Variants in PLCB1 observed in about 807,000 individuals in gnomAD.
The protein encoded by PLCB1 is phospholipase C beta 1.
In PLCB1, 46 loss-of-function variants were observed where a neutral mutation model predicts 161.8. The ratio of observed to expected loss-of-function variants is 0.28; its 90% CI spans 0.22 to 0.36. The LOEUF is 0.36. Among genes scored for constraint, PLCB1 ranks in the 10% least tolerant of loss-of-function variants. The pLI, the probability that PLCB1 is intolerant of heterozygous loss-of-function variation, is 1.00. For synonymous variants in PLCB1, 517 were observed against 503.7 expected (o/e 1.03, Z -0.35); for missense variants, 1,016 against 1,472.5 (o/e 0.69, Z 5.07).
intron 3 of PLCB1, among the ~76,000 whole-genome samples, chr20:8,551,499 C>G (rs556710054): frequency 6.6e-6 from 1 of 152,120 alleles, no homozygotes; most frequent in Non-Finnish European, 1.5e-5. Flanking sequence ...TGACCTTTAC[C>G]GTCCTGTGCG....
At chr20:8,392,218 C>T (rs1484075932) in intron 3 of PLCB1, among the ~76,000 whole-genome samples, 1 of 152,070 alleles carries the variant, frequency 6.6e-6, no homozygotes, top group African/African-American at 2.4e-5. Flanking sequence ...AGAGATTTCA[C>T]TCAAGGTTCA....
At chr20:8,722,243 C>A in intron 14 of PLCB1, 111 bp from the exon 15 acceptor site, 3 of 743,022 alleles carry the variant, frequency 4.0e-6, no homozygotes, top group Non-Finnish European at 4.4e-6. Context: ...TTTTAAACAG[C>A]CCAACTTCCA....
intron 2 of PLCB1, among the ~76,000 whole-genome samples, chr20:8,197,505 G>A (rs2052038275): frequency 6.6e-6 from 1 of 151,946 alleles, no homozygotes; most frequent in Non-Finnish European, 1.5e-5. Flanking sequence ...TTGTTGATGG[G>A]GTTGTTTTTT....
chr20:8,279,166 AG>A (rs1034924155), intron 2 of PLCB1, among the ~76,000 whole-genome samples: 21 of 152,282 alleles, frequency 1.4e-4, no homozygotes, highest in African/African-American at 4.6e-4. Context: ...TATTTGCAAA[AG>A]AATTGAAAGC....
At position 8,274,623 on chromosome 20, in the gene PLCB1, T is replaced by G. The variant is rs142759457; in HGVS notation, c.178-96759T>G. ...GCCAGGGCTTTGCATTCTTAAATTA[T>G]TCATCTTGCTTCTTCTCTAAATTGT... On this transcript the variant is annotated intron_variant, in intron 2 of 31. Transcript: ENST00000338037. 7.4e-4 allele frequency among the ~76,000 whole-genome samples: 112 copies of G among 152,312 alleles called. 3 individuals are homozygous for G. The East Asian group carries it at 0.016, about 22-fold the overall frequency.
In PLCB1 at chr20:8,417,085, T is replaced by A. The variant is rs1483837316; in HGVS notation, c.246+45635T>A. ...TATATATATATATATTTTTTTTTTT[T>A]TTTTTTTTTTTTTTTTTTTGAGATG... On this transcript the variant is annotated intron_variant, in intron 3 of 31. Coordinates refer to ENST00000338037, the MANE Select transcript of PLCB1 (RefSeq NM_015192.4). 9.3e-4 allele frequency among the ~76,000 whole-genome samples: 95 copies of A among 102,116 alleles called. 1 individual carries two copies. The highest frequency in any genetic ancestry group is 2.9e-3 in the African/African-American group (77 of 26,138). The allele number at this position is 102,116 out of a possible 152,430, so 67.0% of individuals were successfully genotyped here. A position where few individuals can be genotyped will look rare whatever the true frequency, so the allele number is the denominator to read the frequency against.
At chr20:8,300,545 T>A (rs1275563717) in intron 2 of PLCB1, among the ~76,000 whole-genome samples, 3 of 152,112 alleles carry the variant, frequency 2.0e-5, no homozygotes, top group African/African-American at 4.8e-5. Flanking sequence ...GTGGTTTTTT[T>A]TTATTATTAT....
At chr20:8,367,259 C>T (rs1454152495) in intron 2 of PLCB1, among the ~76,000 whole-genome samples, 1 of 152,108 alleles carries the variant, frequency 6.6e-6, no homozygotes, top group African/African-American at 2.4e-5. Context: ...CAATGATATT[C>T]ACATGAAAGG....
chr20:8,699,532 AG>A (rs999425535), intron 11 of PLCB1, among the ~76,000 whole-genome samples: 30 of 152,286 alleles, frequency 2.0e-4, no homozygotes, highest in African/African-American at 7.2e-4. Context: ...GTGTTTTAGA[AG>A]TAGCATTGAG....
chr20:8,416,482 G>T (rs1240988203), intron 3 of PLCB1, among the ~76,000 whole-genome samples: 1 of 152,172 alleles, frequency 6.6e-6, no homozygotes, highest in Non-Finnish European at 1.5e-5. Flanking sequence ...CACACTAGCT[G>T]CGGGGGGTGC....
rs527408571 is a variant in PLCB1 at position 8,854,554 on chromosome 20, C to G, written c.3424-27068C>G. 4.4e-4 allele frequency among the ~76,000 whole-genome samples: 67 copies of G among 152,178 alleles called. 1 individual carries two copies. The highest frequency in any genetic ancestry group is 1.6e-3 in the African/African-American group (66 of 41,526). ...CAGAATGGAGATGTGTTGTTTTTTGCAAGGGGAGGGGAGTAGGGAAATTAA... is the reference window on the plus strand; with the variant it reads ...CAGAATGGAGATGTGTTGTTTTTTGGAAGGGGAGGGGAGTAGGGAAATTAA... On this transcript the variant is annotated intron_variant, in intron 31 of 31. Coordinates refer to ENST00000338037, the MANE Select transcript of PLCB1 (RefSeq NM_015192.4).
intron 3 of PLCB1, among the ~76,000 whole-genome samples, chr20:8,577,971 T>G (rs1986727067): frequency 6.6e-6 from 1 of 152,206 alleles, no homozygotes; most frequent in Non-Finnish European, 1.5e-5. Context: ...CTAAAAAAAT[T>G]GCTTCTGTAA....
At chr20:8,296,138 C>T (rs569824392) in intron 2 of PLCB1, among the ~76,000 whole-genome samples, 8 of 152,184 alleles carry the variant, frequency 5.3e-5, no homozygotes, top group East Asian at 3.9e-4. Context: ...ATTTTTAAAA[C>T]GAATATGTGG....
At chr20:8,412,449 TTCTA>T (rs1187548617) in intron 3 of PLCB1, among the ~76,000 whole-genome samples, 1 of 152,232 alleles carries the variant, frequency 6.6e-6, no homozygotes, top group Non-Finnish European at 1.5e-5. Flanking sequence ...CATTTTCCTC[TTCTA>T]TCTGACTGTC....
At chr20:8,334,985 T>C (rs967956841) in intron 2 of PLCB1, among the ~76,000 whole-genome samples, 10 of 152,230 alleles carry the variant, frequency 6.6e-5, no homozygotes, top group African/African-American at 2.4e-4. Flanking sequence ...CCTATTTCTG[T>C]ACCAAATTCT....
chr20:8,155,072 A>G (rs974314989), intron 2 of PLCB1, among the ~76,000 whole-genome samples: 3 of 151,916 alleles, frequency 2.0e-5, no homozygotes, highest in South Asian at 2.1e-4. Flanking sequence ...TCTTCATATC[A>G]CTCGTAGAGC....
intron 2 of PLCB1, among the ~76,000 whole-genome samples, chr20:8,162,118 C>T (rs891985728): frequency 2.0e-5 from 3 of 152,082 alleles, no homozygotes; most frequent in Admixed American, 6.6e-5. Context: ...TATATTCTGT[C>T]GATGAAAATT....
chr20:8,762,141 C>T (rs374998439), intron 25 of PLCB1, among the ~76,000 whole-genome samples: 17 of 152,142 alleles, frequency 1.1e-4, no homozygotes, highest in Admixed American at 6.5e-4. Context: ...ACCCAGGAGG[C>T]GGAGGTTGCC....
intron 3 of PLCB1, among the ~76,000 whole-genome samples, chr20:8,566,910 A>G (rs572692484): frequency 1.1e-4 from 17 of 151,782 alleles, no homozygotes; most frequent in South Asian, 1.0e-3. Context: ...TGATACTATA[A>G]TTTTGCTAGG....
Sources: gnomAD v4.1 joint callset for allele counts (sites outside exome capture counted in the v4.1 genomes callset) on GRCh38, gnomAD v4.1.1 for gene constraint, MANE v1.5 for transcripts, NCBI Gene and HGNC (gene_info 2026-07-23, HGNC 2026-07-21) for gene names.